Variants in PAPSS1 observed in about 807,000 individuals in gnomAD.
PAPSS1 encodes bifunctional 3'-phosphoadenosine 5'-phosphosulfate synthase 1.
In PAPSS1, 50 loss-of-function variants were observed where a neutral mutation model predicts 72.0. That is an observed-to-expected ratio of 0.69 (90% confidence interval 0.55 to 0.88). The LOEUF (loss-of-function observed/expected upper bound fraction) is 0.88, where lower values mean the gene tolerates loss of function less well. PAPSS1 is among the 40% of genes least tolerant of loss of function. The pLI, the probability that PAPSS1 is intolerant of heterozygous loss-of-function variation, is 0.00. For synonymous variants in PAPSS1, 261 were observed against 263.6 expected, an observed-to-expected ratio of 0.99 and a Z score of 0.09; for missense variants, 657 against 782.2, an observed-to-expected ratio of 0.84 and a Z score of 1.91.
At chr4:107,686,791 TTCGCCAAC>T (rs1268393138) in intron 4 of PAPSS1, among the ~76,000 whole-genome samples, 1 of 152,232 alleles carries the variant, frequency 6.6e-6, no homozygotes, top group East Asian at 1.9e-4. Context: ...CAAGTAGGTT[TTCGCCAAC>T]TCCCGAGCCC....
chr4:107,640,831 A>G (rs992925011), intron 10 of PAPSS1, among the ~76,000 whole-genome samples: 2 of 152,178 alleles, frequency 1.3e-5, no homozygotes, highest in Admixed American at 6.5e-5. Flanking sequence ...AAAGAACCAC[A>G]TCTCTTACGC....
At chr4:107,661,029 T>C (rs1727166807) in intron 5 of PAPSS1, among the ~76,000 whole-genome samples, 1 of 152,126 alleles carries the variant, frequency 6.6e-6, no homozygotes, top group African/African-American at 2.4e-5. Context: ...ATGAACCCAA[T>C]TTTAAAAATG....
intron 10 of PAPSS1, among the ~76,000 whole-genome samples, chr4:107,643,696 G>C (rs1726618318): frequency 6.6e-6 from 1 of 152,158 alleles, no homozygotes; most frequent in African/African-American, 2.4e-5. Context: ...AAAGGGGCAA[G>C]AAGAAAAACT....
At chr4:107,680,169 T>C (rs1258670040) in intron 5 of PAPSS1, among the ~76,000 whole-genome samples, 2 of 151,862 alleles carry the variant, frequency 1.3e-5, no homozygotes, top group African/African-American at 4.8e-5. Context: ...GCCAAGAATT[T>C]TCAAAAACTA....
At chr4:107,648,036 G>A (rs1301539158) in intron 9 of PAPSS1, among the ~76,000 whole-genome samples, 1 of 152,044 alleles carries the variant, frequency 6.6e-6, no homozygotes, top group African/African-American at 2.4e-5. Flanking sequence ...ATTTGGGTCT[G>A]GCCCCCAAAG....
At chr4:107,690,115 T>C (rs993594202) in intron 3 of PAPSS1, among the ~76,000 whole-genome samples, 15 of 152,140 alleles carry the variant, frequency 9.9e-5, no homozygotes, top group African/African-American at 3.4e-4. Flanking sequence ...CAGACCAGTC[T>C]CAATCCAGGC....
At chr4:107,715,146 C>T (rs939211004) in intron 1 of PAPSS1, among the ~76,000 whole-genome samples, 1 of 152,204 alleles carries the variant, frequency 6.6e-6, no homozygotes, top group Admixed American at 6.5e-5. Context: ...CCACTAACCA[C>T]ATACGCAGCT....
intron 7 of PAPSS1, among the ~76,000 whole-genome samples, chr4:107,655,370 G>T (rs1726975665): frequency 6.6e-6 from 1 of 152,140 alleles, no homozygotes; most frequent in African/African-American, 2.4e-5. Context: ...AGTTGATTAA[G>T]TATACTTGAG....
intron 10 of PAPSS1, among the ~76,000 whole-genome samples, chr4:107,643,430 T>C (rs7666999): frequency 0.23 from 35,350 of 152,112 alleles, 4,201 homozygotes; most frequent in East Asian, 0.37. Context: ...TCCAGAGCTC[T>C]CCATGGACTC....
At chr4:107,654,125 G>C (rs919907852) in intron 8 of PAPSS1, among the ~76,000 whole-genome samples, 1 of 152,134 alleles carries the variant, frequency 6.6e-6, no homozygotes, top group Non-Finnish European at 1.5e-5. Context: ...ATATTCACAA[G>C]GCAGCTCCAG....
At chr4:107,658,890 C>G in intron 6 of PAPSS1, among the ~76,000 whole-genome samples, 1 of 152,186 alleles carries the variant, frequency 6.6e-6, no homozygotes, top group East Asian at 1.9e-4. Context: ...CAAAGAATAG[C>G]AGTGTGCCTT....
chr4:107,631,632 G>A lies in PAPSS1; in HGVS notation c.1735C>T (p.His579Tyr). Residue 579 changes from histidine (H) to tyrosine (Y), a missense_variant and splice_region_variant, in exon 11 of 12, where the codon CAC becomes TAC. This residue lies in a region of PAPSS1 where 103 missense variants were observed against 93.8 expected (regional missense o/e 1.10). Transcript: ENST00000265174. ...KKRMDYYDSEHHEDFEFISGT... is the reference protein window; with the variant it reads ...KKRMDYYDSEYHEDFEFISGT... ...TTGTACAGAGAATGTAAGACTTACT[G>A]TTCAGAGTCATAGTAGTCCATACGC... The A allele has an allele frequency of 6.2e-7, 1 of 1,601,878 alleles. No individual in the cohort carries two copies. Among genetic ancestry groups the A allele is most frequent in the East Asian group, 2.2e-5 (1 of 44,816 alleles).
intron 5 of PAPSS1, among the ~76,000 whole-genome samples, chr4:107,662,943 T>TAC (rs370632453): frequency 8.5e-5 from 13 of 152,208 alleles, no homozygotes; most frequent in African/African-American, 3.1e-4. Context: ...GAACTACACA[T>TAC]ACATTTTGTA....
intron 5 of PAPSS1, among the ~76,000 whole-genome samples, chr4:107,671,137 C>A (rs566139293): frequency 1.3e-5 from 2 of 152,042 alleles, no homozygotes. Context: ...TTTCATTATA[C>A]AGAATTATAG....
At chr4:107,653,705 C>A (rs1434491388) in intron 8 of PAPSS1, 79 bp from the exon 9 acceptor site, 5 of 1,215,370 alleles carry the variant, frequency 4.1e-6, no homozygotes, top group Non-Finnish European at 5.8e-6. Context: ...AAGCTAAATA[C>A]AGTCGTTGTA....
At chr4:107,702,987 C>T (rs1005380034) in intron 1 of PAPSS1, among the ~76,000 whole-genome samples, 1 of 152,134 alleles carries the variant, frequency 6.6e-6, no homozygotes, top group Non-Finnish European at 1.5e-5. Flanking sequence ...CTAGGATTTT[C>T]TTTTCTCACA....
intron 11 of PAPSS1, among the ~76,000 whole-genome samples, chr4:107,620,102 T>C (rs544305843): frequency 6.6e-5 from 10 of 152,356 alleles, no homozygotes; most frequent in South Asian, 4.1e-4. Context: ...GGTCAGCAGA[T>C]GGCCCTTCAA....
rs188494211 is a variant in PAPSS1 at position 107,677,771 on chromosome 4, G to T, written c.669+4244C>A. Among the ~76,000 whole-genome samples, 649 of 152,294 alleles carry T rather than the reference G, an allele frequency of 4.3e-3. 5 individuals carry two copies. Among genetic ancestry groups the T allele is most frequent in the Admixed American group, 0.015 (222 of 15,306 alleles). On this transcript the variant is annotated intron_variant, in intron 5 of 11. Coordinates refer to ENST00000265174, the MANE Select transcript of PAPSS1 (RefSeq NM_005443.5). The stretch of plus-strand genomic sequence containing the variant: ...TTGTGGCACTATTCACCATAGCAAA[G>T]ACTTGGAACCAACCCAAATGTCCAA...
intron 3 of PAPSS1, among the ~76,000 whole-genome samples, chr4:107,688,431 G>A (rs1722842137): frequency 6.6e-6 from 1 of 152,176 alleles, no homozygotes; most frequent in Admixed American, 6.6e-5. Flanking sequence ...ACTCCAGGCT[G>A]AGTGACAGAG....
Sources: gnomAD v4.1 joint callset for allele counts (sites outside exome capture counted in the v4.1 genomes callset) on GRCh38, gnomAD v4.1.1 for gene constraint, gnomAD v4.1.1 regional missense constraint, MANE v1.5 for transcripts, NCBI Gene and HGNC (gene_info 2026-07-23, HGNC 2026-07-21) for gene names.